KLF16: variants seen among roughly 807,000 people sequenced by gnomAD.
KLF16 encodes KLF transcription factor 16.
In KLF16, 6 loss-of-function variants were observed where a neutral mutation model predicts 6.1. That is an observed-to-expected ratio of 0.98 (90% confidence interval 0.54 to 1.93). The LOEUF is 1.93. Ranked by LOEUF, KLF16 falls within the 30% of genes most tolerant of loss-of-function variation. The pLI is 0.01. For synonymous variants in KLF16, 211 were observed against 176.5 expected (o/e 1.20, Z -1.55); for missense variants, 355 against 363.8 (o/e 0.98, Z 0.20).
chr19:1,856,196 G>A (rs1027416999), intron 1 of KLF16, among the ~76,000 whole-genome samples: 6 of 152,170 alleles, frequency 3.9e-5, no homozygotes, highest in Admixed American at 3.3e-4. Flanking sequence ...CGGCGGGAGG[G>A]GCACGGCCAT....
Position 1,863,060 on chromosome 19 carries a change from CGACT to C in KLF16, c.434_437del (p.Lys145SerfsTer143). 7.1e-7 allele frequency: 1 copy of C among 1,406,910 alleles called. No individual in the cohort carries two copies. The highest frequency in any genetic ancestry group is 1.3e-5 in the South Asian group (1 of 76,716). 87.2% of individuals were successfully genotyped at this position (1,406,910 alleles called of 1,614,324 possible). On this transcript the variant is annotated frameshift_variant, in exon 1 of 2. Transcript: ENST00000250916. LOFTEE classifies it low-confidence loss of function (END_TRUNC). ...ACTCACCTGTGTGCGTCCGCAGGTG[CGACT>C]TTAGGTGCGAGGACTTGTAGTAGGC...
In KLF16 at chr19:1,852,473, C is replaced by A. The variant is rs2011854173; in HGVS notation, c.*1986G>T. Reference sequence around the variant, plus strand: ...CAGGCAGGGCGGGGGAGGGGCGCCACCCACGGAAAGCACACGCCTCTCGGA... The same window carrying A: ...CAGGCAGGGCGGGGGAGGGGCGCCAACCACGGAAAGCACACGCCTCTCGGA... On this transcript the variant is annotated 3_prime_UTR_variant, in exon 2 of 2. Transcript: ENST00000250916. 6.6e-6 allele frequency: 1 copy of A among 152,112 alleles called. No homozygotes were observed. Among genetic ancestry groups the A allele is most frequent in the Non-Finnish European group, 1.5e-5 (1 of 68,014 alleles). The allele number at this position is 152,112 out of a possible 1,614,324, so 9.4% of individuals were successfully genotyped here.
chr19:1,868,227 A>G (rs957164745), upstream of KLF16, among the ~76,000 whole-genome samples: 2 of 152,048 alleles, frequency 1.3e-5, no homozygotes, highest in African/African-American at 4.8e-5. Context: ...GGCTGGACTG[A>G]GGGACTCGCT....
chr19:1,862,500 C>T (rs968145198), intron 1 of KLF16, among the ~76,000 whole-genome samples: 56 of 152,094 alleles, frequency 3.7e-4, no homozygotes, highest in African/African-American at 1.1e-3. Context: ...ATACAGAGAA[C>T]GCAGAGAAAA....
intron 1 of KLF16, among the ~76,000 whole-genome samples, chr19:1,858,340 C>T (rs1442247010): frequency 6.6e-6 from 1 of 152,184 alleles, no homozygotes; most frequent in Non-Finnish European, 1.5e-5. Flanking sequence ...TGATCCTGCC[C>T]GGAGCTTCTC....
In KLF16 at chr19:1,863,222, T is replaced by G; in HGVS notation, c.276A>C (p.Gly92=). Residue 92 remains glycine (G), a synonymous_variant, in exon 1 of 2, where the codon GGA becomes GGC. Coordinates refer to ENST00000250916, the MANE Select transcript of KLF16 (RefSeq NM_031918.4). ...SILADLRGGP[G]AAPGGASPAS... Reference sequence around the variant, plus strand: ...CGGGCGAGGCGCCCCCCGGGGCGGCTCCGGGTCCGCCGCGCAGGTCGGCCA... The same window carrying G: ...CGGGCGAGGCGCCCCCCGGGGCGGCGCCGGGTCCGCCGCGCAGGTCGGCCA... 1.8e-6 allele frequency: 2 copies of G among 1,103,764 alleles called. No individual in the cohort carries two copies. Among genetic ancestry groups the G allele is most frequent in the Non-Finnish European group, 2.2e-6 (2 of 904,104 alleles). 68.4% of individuals were successfully genotyped at this position (1,103,764 alleles called of 1,614,324 possible). A position where few individuals can be genotyped will look rare whatever the true frequency, so the allele number is the denominator to read the frequency against.
chr19:1,866,036 G>A (rs144888625), upstream of KLF16, among the ~76,000 whole-genome samples: 930 of 152,326 alleles, frequency 6.1e-3, 7 homozygotes, highest in Middle Eastern at 0.014. Flanking sequence ...GGGTGCAGTG[G>A]CTCACGCCTG....
chr19:1,860,739 G>A (rs2145368192), intron 1 of KLF16, among the ~76,000 whole-genome samples: 1 of 152,284 alleles, frequency 6.6e-6, no homozygotes, highest in East Asian at 1.9e-4. Context: ...CCCTCCTCCG[G>A]GGGCTGAAAA....
At chr19:1,869,699 TG>T in the KLF16 span, among the ~76,000 whole-genome samples, 1 of 152,030 alleles carries the variant, frequency 6.6e-6, no homozygotes, top group African/African-American at 2.4e-5. Context: ...CTCTACCTCC[TG>T]GGCTCCAGTG....
chr19:1,873,150 A>G, the KLF16 span, among the ~76,000 whole-genome samples: 2 of 152,208 alleles, frequency 1.3e-5, no homozygotes, highest in Non-Finnish European at 2.9e-5. Flanking sequence ...CATGCAGAAC[A>G]GAGCCAGCCG....
At chr19:1,861,344 C>T (rs2012060616) in intron 1 of KLF16, 1 of 152,200 alleles carries the variant, frequency 6.6e-6, no homozygotes, top group Admixed American at 6.5e-5. Flanking sequence ...CCAACAGGCT[C>T]CCACTTCAGC....
chr19:1,876,207 T>G, the KLF16 span: 1 of 152,686 alleles, frequency 6.5e-6, no homozygotes, highest in Non-Finnish European at 1.5e-5. Flanking sequence ...CCGTCCGTGC[T>G]GCGGCCCCGC....
At chr19:1,875,347 TG>T in the KLF16 span, 1 of 152,216 alleles carries the variant, frequency 6.6e-6, no homozygotes, top group Non-Finnish European at 1.5e-5. Context: ...TCTGAATGCA[TG>T]GGGCGCTCTC....
chr19:1,854,559 G>A lies in KLF16; in HGVS notation c.659C>T (p.Pro220Leu), dbSNP rs2011908417. 3 of 1,571,712 alleles carry A rather than the reference G, an allele frequency of 1.9e-6. No homozygotes were observed. The highest frequency in any genetic ancestry group is 8.6e-7 in the Non-Finnish European group (1 of 1,166,810). ...GCTGGGGGAGGTACTGCGGGCACCA[G>A]GGCGCCGGAGCAGGTCCGGGTGGAA... Reference protein sequence around the residue: ...PGFHPDLLRRPGARSTSPSDS... With the variant: ...PGFHPDLLRRLGARSTSPSDS... Residue 220 changes from proline to leucine, a missense_variant, in exon 2 of 2, where the codon CCT (proline) becomes CTT (leucine). Physicochemically the swap from Pro to Leu is moderately conservative, Grantham distance 98. Coordinates refer to ENST00000250916, the MANE Select transcript of KLF16 (RefSeq NM_031918.4).
the KLF16 span, among the ~76,000 whole-genome samples, chr19:1,872,736 CGGGCCTG>C: frequency 4.0e-5 from 6 of 151,048 alleles, no homozygotes; most frequent in African/African-American, 1.5e-4. Context: ...CGAGGGAGCG[CGGGCCTG>C]GCCGGGGTCT....
At chr19:1,871,966 A>T in the KLF16 span, among the ~76,000 whole-genome samples, 4 of 152,036 alleles carry the variant, frequency 2.6e-5, no homozygotes, top group African/African-American at 9.6e-5. Context: ...CTGCACCCCC[A>T]GCCCCTCCTC....
rs757969257 is a variant in KLF16, at chr19:1,863,187, G to A, written c.311C>T (p.Ser104Phe). ...CGAGGACGGGGACGAGGCGGCTGAG[G>A]AGGAGGAGGCGGGCGAGGCGCCCCC... ...APGGASPASS[S>F]SAASSPSSGR... The change falls in exon 1 of 2, where the codon TCC (serine) becomes TTC (phenylalanine). Residue 104 changes from serine (S) to phenylalanine (F), a missense_variant. Coordinates refer to ENST00000250916, the MANE Select transcript of KLF16 (RefSeq NM_031918.4). 1 of 1,186,560 alleles carries A rather than the reference G, an allele frequency of 8.4e-7. No homozygotes were observed. The highest frequency in any genetic ancestry group is 3.4e-5 in the South Asian group (1 of 29,622). 73.5% of individuals were successfully genotyped at this position (1,186,560 alleles called of 1,614,324 possible).
At chr19:1,876,246 A>T in the KLF16 span, 1 of 152,292 alleles carries the variant, frequency 6.6e-6, no homozygotes, top group Non-Finnish European at 1.5e-5. Context: ...TCGCGCCCAG[A>T]CTGAAGCACC....
chr19:1,869,074 G>T, the KLF16 span, among the ~76,000 whole-genome samples: 1 of 152,314 alleles, frequency 6.6e-6, no homozygotes, highest in African/African-American at 2.4e-5. Context: ...GAAATGCCAT[G>T]TGGGACCCTG....
Sources: gnomAD v4.1 joint callset for allele counts (sites outside exome capture counted in the v4.1 genomes callset) on GRCh38, gnomAD v4.1.1 for gene constraint, MANE v1.5 for transcripts, NCBI Gene and HGNC (gene_info 2026-07-23, HGNC 2026-07-21) for gene names.